The following RFX2 variants were observed in gnomAD, a reference collection of about 807,000 sequenced individuals.
The protein encoded by RFX2 is DNA-binding protein RFX2.
Under a neutral mutation model 87.8 loss-of-function variants are expected in RFX2, and 20 were observed. That is an observed-to-expected ratio of 0.23 (90% CI 0.16 to 0.33). The LOEUF (loss-of-function observed/expected upper bound fraction) is 0.33. Ranked by LOEUF, RFX2 falls within the 10% of genes least tolerant of loss-of-function variation. RFX2 has a pLI of 1.00. For synonymous variants in RFX2, 397 were observed against 431.3 expected, an observed-to-expected ratio of 0.92 and a Z score of 0.98; for missense variants, 767 against 1,012.3, an observed-to-expected ratio of 0.76 and a Z score of 3.29.
intron 1 of RFX2, among the ~76,000 whole-genome samples, chr19:6,085,922 T>C (rs1177040245): frequency 6.6e-6 from 1 of 151,604 alleles, no homozygotes; most frequent in African/African-American, 2.4e-5. Context: ...TGAGACCTCG[T>C]CTCTATAAAA....
At position 6,026,100 on chromosome 19, in the gene RFX2, A is replaced by G; in HGVS notation, c.597+63T>C. ...GCACCTGGTTGCCTTCATTTGTCTT[A>G]AAAATGTCTATGCAGGTTACAAGCA... is the stretch of plus-strand genomic sequence containing the variant. On this transcript the variant is annotated intron_variant, in intron 6 of 17. Transcript: ENST00000303657. This position sits in a 1 kb window ranked among gnomAD's most constrained non-coding sequence, Gnocchi z 4.5. 1 of 1,429,658 alleles carries G rather than the reference A, an allele frequency of 7.0e-7. No individual in the cohort carries two copies. Among genetic ancestry groups the G allele is most frequent in the Non-Finnish European group, 9.8e-7 (1 of 1,021,396 alleles). The allele number at this position is 1,429,658 out of a possible 1,614,324, so 88.6% of individuals were successfully genotyped here. A position where few individuals can be genotyped will look rare whatever the true frequency, so the allele number is the denominator to read the frequency against.
At chr19:6,077,276 C>T (rs1378864888) in intron 1 of RFX2, among the ~76,000 whole-genome samples, 5 of 152,220 alleles carry the variant, frequency 3.3e-5, no homozygotes, top group Non-Finnish European at 7.3e-5. Flanking sequence ...AACCTGGTGG[C>T]TTTGCCAATT....
chr19:5,994,930 G>T lies in RFX2; in HGVS notation c.2077C>A (p.Arg693Ser). 1 of 1,607,698 alleles carries T rather than the reference G, an allele frequency of 6.2e-7. No homozygotes were observed. Among genetic ancestry groups the T allele is most frequent in the Non-Finnish European group, 8.5e-7 (1 of 1,179,696 alleles). ...GCGTCTGGGCCCGCCTCGCTGCCAC[G>T]CTGCTCATCGCCCATGTCATCTGCG... ...LDKDDMGDEQ[R>S]GSEAGPDARS... The change falls in exon 18 of 18, where the codon CGT becomes AGT. Residue 693 changes from arginine to serine, a missense_variant. Arg to Ser is a moderately radical substitution (Grantham distance 110). Coordinates refer to ENST00000303657, the MANE Select transcript of RFX2 (RefSeq NM_000635.4).
intron 1 of RFX2, among the ~76,000 whole-genome samples, chr19:6,067,081 G>T (rs182448237): frequency 1.3e-5 from 2 of 152,308 alleles, no homozygotes; most frequent in East Asian, 3.9e-4. Flanking sequence ...TCTCTCTGAG[G>T]TAAGAGGGCA....
chr19:6,075,404 A>C (rs975538074), intron 1 of RFX2, among the ~76,000 whole-genome samples: 1 of 152,188 alleles, frequency 6.6e-6, no homozygotes, highest in African/African-American at 2.4e-5. Flanking sequence ...ACAATCTGAC[A>C]GATATTTTGG....
In RFX2 at chr19:6,044,571, C is replaced by T. The variant is rs909005346; in HGVS notation, c.91-289G>A. Among the ~76,000 whole-genome samples, 13 of 152,202 alleles carry T rather than the reference C, an allele frequency of 8.5e-5. No individual in the cohort carries two copies. Among genetic ancestry groups the T allele is most frequent in the African/African-American group, 3.1e-4 (13 of 41,468 alleles). ...TGCACGAATTGTGGGCACACACACA[C>T]GTATGCACACACACATACACGGAAG... On this transcript the variant is annotated intron_variant, in intron 2 of 17. Coordinates refer to ENST00000303657, the MANE Select transcript of RFX2 (RefSeq NM_000635.4). The surrounding 1 kb of genome is among the most constrained non-coding windows in gnomAD (Gnocchi z 5.3).
At position 6,007,855 on chromosome 19, in the gene RFX2, A is replaced by T. The variant is rs1195978804; in HGVS notation, c.1135-53T>A. 2 of 1,229,118 alleles carry T rather than the reference A, an allele frequency of 1.6e-6. No individual in the cohort carries two copies. Among genetic ancestry groups the T allele is most frequent in the Non-Finnish European group, 2.3e-6 (2 of 853,318 alleles). 76.1% of individuals were successfully genotyped at this position (1,229,118 alleles called of 1,614,324 possible). A position where few individuals can be genotyped will look rare whatever the true frequency, so the allele number is the denominator to read the frequency against. On this transcript the variant is annotated intron_variant, in intron 10 of 17. Coordinates refer to ENST00000303657, the MANE Select transcript of RFX2 (RefSeq NM_000635.4). This position sits in a 1 kb window ranked among gnomAD's most constrained non-coding sequence, Gnocchi z 8.2. ...ACGGGTGCGTGCGCCCATCACGTGC[A>T]CTCAGCACACGTCAAGTGAGCAGCC...
chr19:6,019,772 C>A, intron 6 of RFX2: 1 of 152,112 alleles, frequency 6.6e-6, no homozygotes. Flanking sequence ...AGCTTTTCTT[C>A]CCAGTGGCTT....
intron 1 of RFX2, among the ~76,000 whole-genome samples, chr19:6,053,006 G>A (rs1277517765): frequency 1.3e-5 from 2 of 151,826 alleles, no homozygotes; most frequent in Non-Finnish European, 2.9e-5. Context: ...ATTTAAGAAC[G>A]TTTTCAACCT....
chr19:6,092,521 T>C (rs1186641896), intron 1 of RFX2, among the ~76,000 whole-genome samples: 3 of 152,160 alleles, frequency 2.0e-5, no homozygotes, highest in Non-Finnish European at 4.4e-5. Context: ...GGCAGGCCGT[T>C]GCTAGGCTCG....
intron 1 of RFX2, among the ~76,000 whole-genome samples, chr19:6,082,320 A>G (rs1179831382): frequency 6.6e-6 from 1 of 150,792 alleles, no homozygotes; most frequent in African/African-American, 2.4e-5. Flanking sequence ...AAAATGGTAG[A>G]CAGGGGAAAT....
In RFX2 at chr19:6,011,963, CTGTT is replaced by C. The variant is rs1299331618; in HGVS notation, c.899+1019_899+1022del. On this transcript the variant is annotated intron_variant, in intron 8 of 17. Coordinates refer to ENST00000303657, the MANE Select transcript of RFX2 (RefSeq NM_000635.4). This position sits in a 1 kb window ranked among gnomAD's most constrained non-coding sequence, Gnocchi z 4.8. ...AACTATGGCCTGAGGGCCAATTCTGCTGTTTGTTTTTATAAATAAAGTTTTACTG... is the reference window on the plus strand; with the variant it reads ...AACTATGGCCTGAGGGCCAATTCTGCTGTTTTTATAAATAAAGTTTTACTG... Among the ~76,000 whole-genome samples the C allele has an allele frequency of 6.6e-6, 1 of 152,264 alleles. No homozygotes were observed. Among genetic ancestry groups the C allele is most frequent in the Non-Finnish European group, 1.5e-5 (1 of 68,050 alleles).
At position 6,010,260 on chromosome 19, in the gene RFX2, G is replaced by C. The variant is rs367687569; in HGVS notation, c.900-9C>G. ...TCTGGGCTGGCCGGTACCTAGGCCA[G>C]GAACACGCATACCATCATGAGGCCC... On this transcript the variant is annotated splice_polypyrimidine_tract_variant and intron_variant, in intron 8 of 17. Transcript: ENST00000303657. This position sits in a 1 kb window ranked among gnomAD's most constrained non-coding sequence, Gnocchi z 5.0. The C allele has an allele frequency of 6.5e-7, 1 of 1,533,706 alleles. No individual in the cohort carries two copies. The highest frequency in any genetic ancestry group is 1.4e-5 in the African/African-American group (1 of 72,766).
chr19:6,075,304 G>A (rs2087676232), intron 1 of RFX2, among the ~76,000 whole-genome samples: 1 of 152,076 alleles, frequency 6.6e-6, no homozygotes, highest in African/African-American at 2.4e-5. Context: ...GGAGAAGATG[G>A]ACTTAGAGAC....
At chr19:6,033,615 C>CAAA (rs34581899) in intron 5 of RFX2, among the ~76,000 whole-genome samples, 1,623 of 59,670 alleles carry the variant, frequency 0.027, 42 homozygotes, top group African/African-American at 0.049. Context: ...CCCACCTTTG[C>CAAA]AAAAAAAAAA....
intron 1 of RFX2, among the ~76,000 whole-genome samples, chr19:6,049,520 C>G (rs1272448443): frequency 6.6e-6 from 1 of 152,122 alleles, no homozygotes; most frequent in East Asian, 1.9e-4. Flanking sequence ...GAATGTGTTC[C>G]CCTAATTTAT....
In RFX2 at chr19:6,074,912, C is replaced by A. The variant is rs1237837567; in HGVS notation, c.-8-27408G>T. On this transcript the variant is annotated intron_variant, in intron 1 of 17. Coordinates refer to ENST00000303657, the MANE Select transcript of RFX2 (RefSeq NM_000635.4). The surrounding 1 kb of genome is among the most constrained non-coding windows in gnomAD (Gnocchi z 5.2). ...GTTGAATGTTGTGTCCCCTTAAATT[C>A]CTATGCTGAACTCCTCACCCCAAGG... is the stretch of plus-strand genomic sequence containing the variant. Among the ~76,000 whole-genome samples the A allele has an allele frequency of 6.6e-6, 1 of 152,048 alleles. No individual in the cohort carries two copies. The highest frequency in any genetic ancestry group is 1.5e-5 in the Non-Finnish European group (1 of 67,982).
Position 6,044,538 on chromosome 19 carries a change from C to G in RFX2, c.91-256G>C, listed in dbSNP as rs113791110. Among the ~76,000 whole-genome samples, 1 of 152,210 alleles carries G rather than the reference C, an allele frequency of 6.6e-6. No homozygotes were observed. The highest frequency in any genetic ancestry group is 2.4e-5 in the African/African-American group (1 of 41,440). On this transcript the variant is annotated intron_variant, in intron 2 of 17. Coordinates refer to ENST00000303657, the MANE Select transcript of RFX2 (RefSeq NM_000635.4). This position sits in a 1 kb window ranked among gnomAD's most constrained non-coding sequence, Gnocchi z 5.3. ...GTGCACATACACTCAGCCCATGCAC[C>G]ACACATATGCACGAATTGTGGGCAC...
chr19:6,000,194 A>G (rs891465010), intron 15 of RFX2, among the ~76,000 whole-genome samples: 1 of 152,156 alleles, frequency 6.6e-6, no homozygotes, highest in Non-Finnish European at 1.5e-5. Flanking sequence ...CATGTTGGCC[A>G]GTCTGGTCTT....
Sources: gnomAD v4.1 joint callset for allele counts (sites outside exome capture counted in the v4.1 genomes callset) on GRCh38, gnomAD v4.1.1 for gene constraint, Gnocchi (gnomAD v3.1) non-coding constraint, MANE v1.5 for transcripts, NCBI Gene and HGNC (gene_info 2026-07-23, HGNC 2026-07-21) for gene names.